The following RIC8B variants were observed in gnomAD, a reference collection of about 807,000 sequenced individuals.
The protein encoded by RIC8B is RIC8 guanine nucleotide exchange factor B, also known as chaperone Ric-8B.
RIC8B carries 16 observed loss-of-function variants against 57.5 expected under a neutral mutation model. The observed-to-expected ratio is 0.28, with a 90% confidence interval of 0.19 to 0.42. The LOEUF (loss-of-function observed/expected upper bound fraction) is 0.42, where lower values mean the gene tolerates loss of function less well. Ranked by LOEUF, RIC8B falls within the 10% of genes least tolerant of loss-of-function variation. The pLI is 1.00. For synonymous variants in RIC8B, 216 were observed against 250.8 expected (o/e 0.86, Z 1.31); for missense variants, 481 against 677.0 (o/e 0.71, Z 3.21).
chr12:106,866,879 G>A (rs570822381), intron 8 of RIC8B, among the ~76,000 whole-genome samples: 2 of 152,228 alleles, frequency 1.3e-5, no homozygotes, highest in South Asian at 2.1e-4. Flanking sequence ...TGCATTCTAC[G>A]TGACAACCAG....
intron 2 of RIC8B, among the ~76,000 whole-genome samples, chr12:106,807,719 C>A (rs2045108391): frequency 6.6e-6 from 1 of 152,086 alleles, no homozygotes; most frequent in East Asian, 1.9e-4. Context: ...ATCACAGTGT[C>A]TAACAATTAA....
At position 106,824,631 on chromosome 12, in the gene RIC8B, G is replaced by A. The variant is rs572148082; in HGVS notation, c.742-1095G>A. Among the ~76,000 whole-genome samples the A allele has an allele frequency of 2.1e-3, 324 of 152,194 alleles. 2 individuals are homozygous for A. Among genetic ancestry groups the A allele is most frequent in the Non-Finnish European group, 3.6e-3 (243 of 68,004 alleles). On this transcript the variant is annotated intron_variant, in intron 3 of 9. Transcript: ENST00000392837. The stretch of plus-strand genomic sequence containing the variant: ...GAAGTTTTGGCTGGGTGCAGTGGCT[G>A]GCACCTGTAATGCCAGCACATTGGG...
rs543057454 is a variant in RIC8B at position 106,867,178 on chromosome 12, A to G, written c.1452-3645A>G. On this transcript the variant is annotated intron_variant, in intron 8 of 9. Coordinates refer to ENST00000392837, the MANE Select transcript of RIC8B (RefSeq NM_001330145.2). The surrounding 1 kb of genome is among the most constrained non-coding windows in gnomAD (Gnocchi z 4.3). ...GAAGAAAGAGCAAAAGACTTGAAATACAGTTCAGGTTTTATACCTGTGTTC... is the reference window on the plus strand; with the variant it reads ...GAAGAAAGAGCAAAAGACTTGAAATGCAGTTCAGGTTTTATACCTGTGTTC... Among the ~76,000 whole-genome samples the G allele has an allele frequency of 1.3e-5, 2 of 152,346 alleles. No homozygotes were observed. Among genetic ancestry groups the G allele is most frequent in the East Asian group, 3.9e-4 (2 of 5,192 alleles).
intron 7 of RIC8B, 98 bp from the exon 8 acceptor site, chr12:106,860,170 C>A: frequency 1.9e-6 from 2 of 1,047,710 alleles, no homozygotes; most frequent in Non-Finnish European, 2.7e-6. Flanking sequence ...GGTTTACTGC[C>A]ATAGTGTGTG....
At chr12:106,871,957 T>G (rs1004121174) in intron 9 of RIC8B, among the ~76,000 whole-genome samples, 3 of 152,230 alleles carry the variant, frequency 2.0e-5, no homozygotes, top group African/African-American at 7.2e-5. Context: ...GTGACAAGTA[T>G]GGATATTTAT....
At chr12:106,834,510 AT>A in intron 4 of RIC8B, among the ~76,000 whole-genome samples, 1 of 152,278 alleles carries the variant, frequency 6.6e-6, no homozygotes, top group Non-Finnish European at 1.5e-5. Context: ...GTAACATGGA[AT>A]TTTAACTCTT....
chr12:106,802,281 A>G (rs576718040), intron 2 of RIC8B, among the ~76,000 whole-genome samples: 15 of 152,350 alleles, frequency 9.8e-5, no homozygotes, highest in Non-Finnish European at 1.9e-4. Flanking sequence ...CTATGACTTT[A>G]AGTATCCCTG....
chr12:106,882,363 G>A (rs1189182274), intron 9 of RIC8B, among the ~76,000 whole-genome samples: 2 of 152,148 alleles, frequency 1.3e-5, no homozygotes, highest in Admixed American at 1.3e-4. Flanking sequence ...GTGACTGGTC[G>A]ATCCAGAATT....
intron 6 of RIC8B, among the ~76,000 whole-genome samples, chr12:106,850,208 T>C (rs985967075): frequency 2.2e-4 from 33 of 152,344 alleles, no homozygotes; most frequent in Admixed American, 6.5e-4. Flanking sequence ...AGCCCCAGTC[T>C]GTGGCAAAAT....
At chr12:106,821,043 A>G (rs1321417201) in intron 3 of RIC8B, among the ~76,000 whole-genome samples, 1 of 152,196 alleles carries the variant, frequency 6.6e-6, no homozygotes, top group Non-Finnish European at 1.5e-5. Context: ...TCAAAACTAA[A>G]TCAGGAAACA....
chr12:106,851,481 G>A lies in RIC8B; in HGVS notation c.1193G>A (p.Arg398Gln), dbSNP rs1292446245. Reference protein sequence around the residue: ...VLPPLRDVTNRPEVGSTVRNK... With the variant: ...VLPPLRDVTNQPEVGSTVRNK... ...CCACCGTTGAGGGATGTGACAAATC[G>A]ACCTGAAGTTGGCTCAACTGTGAGA... The change falls in exon 7 of 10, where the codon CGA (arginine) becomes CAA (glutamine). Residue 398 changes from arginine to glutamine, a missense_variant. Physicochemically the swap from Arg to Gln is conservative, Grantham distance 43 (BLOSUM62 1). Coordinates refer to ENST00000392837, the MANE Select transcript of RIC8B (RefSeq NM_001330145.2). 2.5e-6 allele frequency: 4 copies of A among 1,613,670 alleles called. No homozygotes were observed. Among genetic ancestry groups the A allele is most frequent in the Admixed American group, 1.7e-5 (1 of 60,004 alleles).
chr12:106,851,672 G>T, intron 7 of RIC8B, 78 bp downstream of exon 7: 1 of 1,217,726 alleles, frequency 8.2e-7, no homozygotes, highest in Non-Finnish European at 1.2e-6. Flanking sequence ...TGTTAGTACT[G>T]GTCGTCTCAT....
intron 6 of RIC8B, among the ~76,000 whole-genome samples, chr12:106,846,318 T>G (rs1215261905): frequency 6.6e-6 from 1 of 152,194 alleles, no homozygotes; most frequent in Admixed American, 6.5e-5. Context: ...ATTCACCCAA[T>G]TGTTCATTTA....
At chr12:106,874,218 G>A (rs1470782158) in intron 9 of RIC8B, among the ~76,000 whole-genome samples, 2 of 152,172 alleles carry the variant, frequency 1.3e-5, no homozygotes, top group African/African-American at 4.8e-5. Context: ...GTTATAGTAA[G>A]TGTTTGCCAG....
intron 2 of RIC8B, among the ~76,000 whole-genome samples, chr12:106,806,818 C>T (rs1468804219): frequency 6.6e-6 from 1 of 152,092 alleles, no homozygotes; most frequent in East Asian, 1.9e-4. Context: ...AAGAGTGAGC[C>T]TCCATCTCAA....
At chr12:106,854,839 A>G (rs1949649282) in intron 7 of RIC8B, among the ~76,000 whole-genome samples, 1 of 152,084 alleles carries the variant, frequency 6.6e-6, no homozygotes, top group African/African-American at 2.4e-5. Context: ...TTTATGGAAG[A>G]CTAGGCACAG....
At chr12:106,789,633 A>G (rs1246351963) in intron 2 of RIC8B, among the ~76,000 whole-genome samples, 1 of 152,152 alleles carries the variant, frequency 6.6e-6, no homozygotes, top group African/African-American at 2.4e-5. Context: ...CGAGAACAGT[A>G]TGGGGGAAAC....
intron 7 of RIC8B, among the ~76,000 whole-genome samples, chr12:106,859,113 T>G (rs1949827760): frequency 6.6e-6 from 1 of 152,164 alleles, no homozygotes; most frequent in African/African-American, 2.4e-5. Flanking sequence ...GATTGTATGT[T>G]ATGTTGTGTT....
At chr12:106,801,389 TTAA>T (rs1469964200) in intron 2 of RIC8B, among the ~76,000 whole-genome samples, 1 of 152,248 alleles carries the variant, frequency 6.6e-6, no homozygotes, top group Admixed American at 6.5e-5. Context: ...CCAAACTTGT[TTAA>T]TAATTGTTTC....
Sources: allele counts gnomAD v4.1 joint callset (sites outside exome capture counted in the v4.1 genomes callset), GRCh38; gene constraint gnomAD v4.1.1; non-coding constraint Gnocchi (gnomAD v3.1); transcripts MANE v1.5; gene names NCBI Gene and HGNC (gene_info 2026-07-23, HGNC 2026-07-21).